The following SHANK2 variants were observed in gnomAD, a reference collection of about 807,000 sequenced individuals.
SHANK2 encodes the protein SH3 and multiple ankyrin repeat domains 2, also known as SH3 and multiple ankyrin repeat domains protein 2.
A neutral mutation model predicts 133.7 loss-of-function variants in SHANK2; 43 were observed. That is an observed-to-expected ratio of 0.32 (90% CI 0.25 to 0.41). SHANK2 has a LOEUF of 0.41. SHANK2 is among the 10% of genes least tolerant of loss of function. SHANK2 has a pLI of 1.00. For synonymous variants in SHANK2, 1,017 were observed against 952.8 expected (o/e 1.07, Z -1.24); for missense variants, 1,994 against 2,235.8 (o/e 0.89, Z 2.18).
chr11:70,720,652 AAT>A (rs1346028585), intron 14 of SHANK2, among the ~76,000 whole-genome samples: 3 of 152,234 alleles, frequency 2.0e-5, no homozygotes, highest in Admixed American at 2.0e-4. Flanking sequence ...ACCAGTCTCT[AAT>A]TACCCAGAAA....
chr11:70,718,040 C>CT (rs576161182), intron 14 of SHANK2, among the ~76,000 whole-genome samples: 197 of 152,124 alleles, frequency 1.3e-3, no homozygotes, highest in African/African-American at 4.6e-3. Context: ...GTACCAGGGA[C>CT]TTTTTTTTCC....
chr11:70,593,811 G>T (rs1450690049), intron 17 of SHANK2, among the ~76,000 whole-genome samples: 1 of 152,190 alleles, frequency 6.6e-6, no homozygotes, highest in Non-Finnish European at 1.5e-5. Context: ...CTATGCAACT[G>T]TTATCATTAG....
intron 2 of SHANK2, among the ~76,000 whole-genome samples, chr11:71,153,834 G>C (rs1386226298): frequency 6.6e-6 from 1 of 152,118 alleles, no homozygotes; most frequent in Non-Finnish European, 1.5e-5. Flanking sequence ...GCCAGGTGTG[G>C]TGGTGGGCGC....
chr11:70,726,884 A>T (rs1209641668), intron 14 of SHANK2, among the ~76,000 whole-genome samples: 1 of 152,230 alleles, frequency 6.6e-6, no homozygotes, highest in Non-Finnish European at 1.5e-5. Flanking sequence ...CCATGTCAGT[A>T]AGCCTGGGCT....
At chr11:70,698,424 C>T (rs200566408) in intron 15 of SHANK2, among the ~76,000 whole-genome samples, 5 of 152,228 alleles carry the variant, frequency 3.3e-5, no homozygotes, top group East Asian at 1.9e-4. Context: ...TGCATGCTTT[C>T]GCAAAAACAA....
At chr11:70,522,963 C>T (rs186880236) in intron 17 of SHANK2, among the ~76,000 whole-genome samples, 3 of 152,344 alleles carry the variant, frequency 2.0e-5, no homozygotes, top group Admixed American at 6.5e-5. Context: ...CCTCCAGACC[C>T]GCAGCTCCAA....
intron 12 of SHANK2, among the ~76,000 whole-genome samples, chr11:70,808,807 G>C (rs890959411): frequency 6.6e-6 from 1 of 152,082 alleles, no homozygotes. Flanking sequence ...ATGGGTGTCC[G>C]ACACTTCATC....
At chr11:71,102,795 C>T (rs1444662113) in intron 6 of SHANK2, among the ~76,000 whole-genome samples, 1 of 152,222 alleles carries the variant, frequency 6.6e-6, no homozygotes, top group East Asian at 1.9e-4. Context: ...CAAGTGGAGC[C>T]CAGGCCCTGC....
intron 17 of SHANK2, among the ~76,000 whole-genome samples, chr11:70,587,697 A>AT (rs1565155003): frequency 1.1e-4 from 11 of 99,584 alleles, no homozygotes; most frequent in Admixed American, 3.8e-4. Context: ...GAGCACGTCC[A>AT]GTTTTTTTTT....
chr11:70,493,293 C>T (rs1238050375), intron 21 of SHANK2, among the ~76,000 whole-genome samples: 1 of 145,842 alleles, frequency 6.9e-6, no homozygotes, highest in African/African-American at 2.5e-5. Flanking sequence ...CCAGGGTGCT[C>T]GTGGCCCCAG....
At chr11:70,684,820 G>A (rs1452229867) in intron 15 of SHANK2, among the ~76,000 whole-genome samples, 2 of 152,062 alleles carry the variant, frequency 1.3e-5, no homozygotes, top group African/African-American at 4.8e-5. Flanking sequence ...CTGACCGGCT[G>A]CAGCCCTTCT....
intron 17 of SHANK2, among the ~76,000 whole-genome samples, chr11:70,613,711 A>C (rs142574997): frequency 0.022 from 3,214 of 148,502 alleles, 55 homozygotes; most frequent in Non-Finnish European, 0.034. Flanking sequence ...ATAGGGGAGT[A>C]GGGTGGGCCC....
intron 13 of SHANK2, among the ~76,000 whole-genome samples, chr11:70,802,017 G>A (rs1364963510): frequency 6.6e-5 from 10 of 152,266 alleles, no homozygotes; most frequent in Middle Eastern, 3.4e-3. Flanking sequence ...GGGGTGCGGC[G>A]AGACTTGGGG....
intron 17 of SHANK2, among the ~76,000 whole-genome samples, chr11:70,659,095 A>T (rs2061447548): frequency 6.6e-6 from 1 of 152,180 alleles, no homozygotes; most frequent in Non-Finnish European, 1.5e-5. Context: ...AACTCACAAA[A>T]AGGCGAGGTG....
At chr11:70,878,394 A>T (rs1949604633) in intron 11 of SHANK2, among the ~76,000 whole-genome samples, 1 of 152,174 alleles carries the variant, frequency 6.6e-6, no homozygotes, top group African/African-American at 2.4e-5. Context: ...TTCGGAACAA[A>T]CATACAGGGC....
intron 10 of SHANK2, among the ~76,000 whole-genome samples, chr11:70,913,767 A>G (rs1388328857): frequency 2.6e-5 from 4 of 152,192 alleles, no homozygotes; most frequent in African/African-American, 9.6e-5. Context: ...CTCTCCAGAG[A>G]CGAGGAGCAG....
Position 70,940,787 on chromosome 11 carries a change from G to A in SHANK2, c.1108-44220C>T, listed in dbSNP as rs368857734. 2.2e-4 allele frequency among the ~76,000 whole-genome samples: 34 copies of A among 152,334 alleles called. 1 individual carries two copies. The highest frequency in any genetic ancestry group is 7.9e-4 in the African/African-American group (33 of 41,576). On this transcript the variant is annotated intron_variant, in intron 10 of 25. Transcript: ENST00000601538. Reference sequence around the variant, plus strand: ...ATAACTAAAAAGATTTACAGCCTATGTGGGGCATTAAAACTTCATGGAGGG... The same window carrying A: ...ATAACTAAAAAGATTTACAGCCTATATGGGGCATTAAAACTTCATGGAGGG...
At chr11:70,647,690 A>G (rs578092613) in intron 17 of SHANK2, 1 of 152,376 alleles carries the variant, frequency 6.6e-6, no homozygotes, top group South Asian at 2.1e-4. Context: ...TGCAGTCTGT[A>G]TCATGCTGCT....
intron 15 of SHANK2, among the ~76,000 whole-genome samples, chr11:70,684,287 G>T (rs942626075): frequency 6.6e-6 from 1 of 152,120 alleles, no homozygotes; most frequent in East Asian, 1.9e-4. Flanking sequence ...ACTCCTGGCT[G>T]GGCACGGCGC....
Sources: allele counts gnomAD v4.1 joint callset (sites outside exome capture counted in the v4.1 genomes callset), GRCh38; gene constraint gnomAD v4.1.1; transcripts MANE v1.5; gene names NCBI Gene and HGNC (gene_info 2026-07-23, HGNC 2026-07-21).